TRPC6: variants seen among roughly 807,000 people sequenced by gnomAD.
The protein encoded by TRPC6 is short transient receptor potential channel 6.
TRPC6 carries 55 observed loss-of-function variants against 90.7 expected under a neutral mutation model. The ratio of observed to expected loss-of-function variants is 0.61; its 90% CI spans 0.49 to 0.76. The LOEUF is 0.76. Ranked by LOEUF, TRPC6 falls within the 30% of genes least tolerant of loss-of-function variation. The pLI, the probability that TRPC6 is intolerant of heterozygous loss-of-function variation, is 0.00. For synonymous variants in TRPC6, 393 were observed against 393.0 expected (o/e 1.00, Z 0.00); for missense variants, 989 against 1,122.7 (o/e 0.88, Z 1.70).
chr11:101,569,365 A>C (rs1861905696), intron 1 of TRPC6, among the ~76,000 whole-genome samples: 1 of 152,164 alleles, frequency 6.6e-6, no homozygotes, highest in Non-Finnish European at 1.5e-5. Flanking sequence ...CAGATTCATA[A>C]AGCAAGTTCT....
chr11:101,525,624 G>A (rs1050665247), intron 1 of TRPC6, among the ~76,000 whole-genome samples: 1 of 152,190 alleles, frequency 6.6e-6, no homozygotes, highest in African/African-American at 2.4e-5. Flanking sequence ...AGTTAAGAGA[G>A]AACGTAACAC....
intron 10 of TRPC6, among the ~76,000 whole-genome samples, chr11:101,462,377 T>C (rs1859025566): frequency 6.6e-6 from 1 of 152,238 alleles, no homozygotes; most frequent in African/African-American, 2.4e-5. Flanking sequence ...GAGGATAGCA[T>C]TGAATCTGTA....
intron 1 of TRPC6, among the ~76,000 whole-genome samples, chr11:101,516,828 T>C (rs532927804): frequency 1.1e-4 from 17 of 152,344 alleles, no homozygotes; most frequent in African/African-American, 4.1e-4. Context: ...ATGCATCTGC[T>C]GCTGTCTACT....
At chr11:101,496,446 A>C (rs914827304) in intron 2 of TRPC6, among the ~76,000 whole-genome samples, 1 of 152,186 alleles carries the variant, frequency 6.6e-6, no homozygotes, top group Non-Finnish European at 1.5e-5. Flanking sequence ...AGCATCTACT[A>C]TGTGGGGTTG....
intron 10 of TRPC6, among the ~76,000 whole-genome samples, chr11:101,461,693 A>T (rs2136650617): frequency 6.6e-6 from 1 of 152,278 alleles, no homozygotes; most frequent in Non-Finnish European, 1.5e-5. Context: ...CCTTCTGTAC[A>T]TTCACGCATT....
intron 10 of TRPC6, among the ~76,000 whole-genome samples, chr11:101,457,772 C>T (rs575951323): frequency 6.6e-6 from 1 of 152,112 alleles, no homozygotes; most frequent in Non-Finnish European, 1.5e-5. Context: ...ATATTACCTA[C>T]CTTCCAGAGC....
At chr11:101,474,048 G>A (rs879781759) in intron 6 of TRPC6, among the ~76,000 whole-genome samples, 4 of 152,120 alleles carry the variant, frequency 2.6e-5, no homozygotes, top group Non-Finnish European at 5.9e-5. Context: ...ATTCATGTAT[G>A]TATGTACGCA....
At chr11:101,489,810 T>C (rs80219157) in intron 3 of TRPC6, among the ~76,000 whole-genome samples, 7,833 of 152,174 alleles carry the variant, frequency 0.051, 270 homozygotes, top group Middle Eastern at 0.078. Context: ...GGACAGGTTA[T>C]ATAGAAGAAC....
chr11:101,482,074 C>T (rs908759867), intron 5 of TRPC6, among the ~76,000 whole-genome samples: 2 of 152,158 alleles, frequency 1.3e-5, no homozygotes, highest in Admixed American at 1.3e-4. Context: ...TTTCACATCC[C>T]ACCTCAGATT....
intron 1 of TRPC6, among the ~76,000 whole-genome samples, chr11:101,527,153 T>G (rs978542168): frequency 5.9e-5 from 9 of 152,108 alleles, no homozygotes; most frequent in Non-Finnish European, 5.9e-5. Context: ...AAATTTCTAT[T>G]TTTTTATCAT....
At chr11:101,537,099 T>C (rs557499045) in intron 1 of TRPC6, among the ~76,000 whole-genome samples, 2 of 152,236 alleles carry the variant, frequency 1.3e-5, no homozygotes, top group African/African-American at 4.8e-5. Context: ...ACATTTGGAG[T>C]ACTTTGGGAT....
intron 1 of TRPC6, among the ~76,000 whole-genome samples, chr11:101,535,700 T>C (rs939155357): frequency 6.6e-6 from 1 of 152,184 alleles, no homozygotes. Flanking sequence ...GGCATACCAA[T>C]GAGCTTTTAT....
intron 10 of TRPC6, among the ~76,000 whole-genome samples, chr11:101,468,529 T>C (rs574348716): frequency 1.3e-5 from 2 of 152,334 alleles, no homozygotes; most frequent in African/African-American, 4.8e-5. Flanking sequence ...ACAGAAATTG[T>C]TGGGAGATTC....
intron 1 of TRPC6, among the ~76,000 whole-genome samples, chr11:101,518,328 G>A (rs1860570246): frequency 6.6e-6 from 1 of 151,986 alleles, no homozygotes; most frequent in East Asian, 1.9e-4. Context: ...TATATAAAGT[G>A]CTCAAACAAC....
chr11:101,567,390 CA>C (rs1861861295), intron 1 of TRPC6, among the ~76,000 whole-genome samples: 1 of 152,082 alleles, frequency 6.6e-6, no homozygotes, highest in South Asian at 2.1e-4. Context: ...TAGAAACCCC[CA>C]CTCCCTGGGA....
At chr11:101,561,165 T>A (rs1861703235) in intron 1 of TRPC6, among the ~76,000 whole-genome samples, 1 of 152,114 alleles carries the variant, frequency 6.6e-6, no homozygotes, top group South Asian at 2.1e-4. Flanking sequence ...GCTGATAAAG[T>A]ATCAATTCTA....
At chr11:101,496,644 G>C (rs191927268) in intron 2 of TRPC6, among the ~76,000 whole-genome samples, 1 of 152,144 alleles carries the variant, frequency 6.6e-6, no homozygotes, top group African/African-American at 2.4e-5. Context: ...TATAATGTCT[G>C]GTTAGCTTTT....
intron 1 of TRPC6, among the ~76,000 whole-genome samples, chr11:101,540,412 CA>C (rs2136818024): frequency 6.6e-6 from 1 of 152,304 alleles, no homozygotes; most frequent in African/African-American, 2.4e-5. Flanking sequence ...AGGAAAAGAA[CA>C]ATGTGATATT....
chr11:101,520,435 A>T (rs1032952792), intron 1 of TRPC6, among the ~76,000 whole-genome samples: 7 of 152,222 alleles, frequency 4.6e-5, no homozygotes, highest in Non-Finnish European at 8.8e-5. Flanking sequence ...TAATATAGAA[A>T]ATTGGTAACA....
Sources: allele counts gnomAD v4.1 joint callset (sites outside exome capture counted in the v4.1 genomes callset), GRCh38; gene constraint gnomAD v4.1.1; transcripts MANE v1.5; gene names NCBI Gene and HGNC (gene_info 2026-07-23, HGNC 2026-07-21).